The following HIVEP3 variants were observed in gnomAD, a reference collection of about 807,000 sequenced individuals.
HIVEP3 encodes the protein HIVEP zinc finger 3.
A neutral mutation model predicts 152.8 loss-of-function variants in HIVEP3; 49 were observed. The observed-to-expected ratio is 0.32, with a 90% CI of 0.26 to 0.41. HIVEP3 has a LOEUF of 0.41. Among genes scored for constraint, HIVEP3 ranks in the 10% least tolerant of loss-of-function variants. The probability of loss-of-function intolerance (pLI) is 1.00; values close to 1 mark genes in which losing one functional copy is unlikely to be tolerated. For missense variants in HIVEP3, 2,790 were observed against 3,103.3 expected, an observed-to-expected ratio of 0.90 and a Z score of 2.40; for synonymous variants, 1,269 against 1,289.0, an observed-to-expected ratio of 0.98 and a Z score of 0.33.
chr1:41,846,685 C>T (rs1430076424), intron 1 of HIVEP3, among the ~76,000 whole-genome samples: 2 of 152,246 alleles, frequency 1.3e-5, no homozygotes, highest in Admixed American at 1.3e-4. Flanking sequence ...TTTCCTCTTA[C>T]TACACTGTGA....
intron 5 of HIVEP3, among the ~76,000 whole-genome samples, chr1:41,555,470 G>T (rs554339816): frequency 1.3e-5 from 2 of 152,340 alleles, no homozygotes; most frequent in African/African-American, 4.8e-5. Context: ...GCGATGCCCT[G>T]CCCTGCTTCA....
At chr1:41,544,876 C>CCA (rs1569842613) in intron 5 of HIVEP3, among the ~76,000 whole-genome samples, 2 of 72,686 alleles carry the variant, frequency 2.8e-5, no homozygotes, top group African/African-American at 8.4e-5. Flanking sequence ...ACCACCACCA[C>CCA]TACCACCTCT....
chr1:41,839,528 C>T (rs186970228), intron 1 of HIVEP3, among the ~76,000 whole-genome samples: 100 of 152,304 alleles, frequency 6.6e-4, no homozygotes, highest in African/African-American at 2.2e-3. Context: ...CCTGTGGGCA[C>T]CCCCAAGGCA....
rs752576153 is a variant in HIVEP3, at chr1:41,582,131, G to A, written c.2667C>T (p.Arg889=). ...EKTEEFQWPQ[R]SQTLAQLPAE... is the part of the protein sequence containing the mutation. ...CTGGGAGCTGGGCAAGTGTCTGGCT[G>A]CGCTGGGGCCATTGGAACTCCTCAG... Residue 889 remains arginine (R), a synonymous_variant, in exon 4 of 9, where the codon CGC becomes CGT. Coordinates refer to ENST00000372583, the MANE Select transcript of HIVEP3 (RefSeq NM_024503.5). The surrounding 1 kb of genome is among the most constrained non-coding windows in gnomAD (Gnocchi z 4.7). The A allele has an allele frequency of 6.2e-7, 1 of 1,613,984 alleles. No individual in the cohort carries two copies. The highest frequency in any genetic ancestry group is 1.3e-5 in the African/African-American group (1 of 74,902).
chr1:41,730,895 C>T (rs984919015), intron 1 of HIVEP3, among the ~76,000 whole-genome samples: 7 of 152,138 alleles, frequency 4.6e-5, no homozygotes, highest in African/African-American at 1.7e-4. Flanking sequence ...CTGAGGCTTC[C>T]TGTGGGGGGT....
At chr1:41,690,139 C>T (rs1195919711) in intron 2 of HIVEP3, among the ~76,000 whole-genome samples, 1 of 152,198 alleles carries the variant, frequency 6.6e-6, no homozygotes, top group East Asian at 1.9e-4. Flanking sequence ...TTTCTGACAC[C>T]AGCTTATGGC....
In HIVEP3 at chr1:41,762,261, C is replaced by T. The variant is rs1237195889; in HGVS notation, c.-800-61266G>A. 2.0e-5 allele frequency among the ~76,000 whole-genome samples: 3 copies of T among 152,188 alleles called. No homozygotes were observed. In the East Asian group the frequency reaches 5.8e-4, roughly 29 times the overall value. On this transcript the variant is annotated intron_variant, in intron 1 of 8. Transcript: ENST00000372583. ...AGAGCTATTTTGTAGCTTAATAAAA[C>T]TCTTATATGCCCTTCTCACCCTTCA...
At chr1:41,998,887 CTCTT>C (rs1341122306) in intron 1 of HIVEP3, among the ~76,000 whole-genome samples, 30 of 77,306 alleles carry the variant, frequency 3.9e-4, no homozygotes, top group African/African-American at 1.7e-3. Context: ...TTTTCTCTCT[CTCTT>C]TTTTTTTTTT....
intron 2 of HIVEP3, among the ~76,000 whole-genome samples, chr1:41,635,872 T>C (rs1053120888): frequency 2.0e-5 from 3 of 152,220 alleles, no homozygotes; most frequent in Non-Finnish European, 4.4e-5. Flanking sequence ...TCTAGAAAAG[T>C]ATAAATTGTA....
chr1:41,715,581 G>A (rs1021972192), intron 1 of HIVEP3, among the ~76,000 whole-genome samples: 1 of 152,080 alleles, frequency 6.6e-6, no homozygotes, highest in Admixed American at 6.5e-5. Flanking sequence ...TGACAGCCAA[G>A]GATTAGAAAG....
At chr1:41,757,307 C>T (rs961860436) in intron 1 of HIVEP3, among the ~76,000 whole-genome samples, 3 of 151,826 alleles carry the variant, frequency 2.0e-5, no homozygotes, top group African/African-American at 7.2e-5. Context: ...TTAGTAGAGA[C>T]GGAGTTTCAC....
intron 5 of HIVEP3, among the ~76,000 whole-genome samples, chr1:41,526,389 C>T (rs1642911174): frequency 6.8e-6 from 1 of 146,064 alleles, no homozygotes; most frequent in African/African-American, 2.6e-5. Flanking sequence ...CGCCCTCACA[C>T]TCACACATGC....
chr1:41,772,452 C>T (rs780750241), intron 1 of HIVEP3, among the ~76,000 whole-genome samples: 6 of 152,092 alleles, frequency 3.9e-5, no homozygotes, highest in Non-Finnish European at 7.3e-5. Context: ...AAAGCTAATA[C>T]TATGATGCAC....
chr1:41,620,627 C>T (rs532278252), intron 3 of HIVEP3, among the ~76,000 whole-genome samples: 19 of 152,180 alleles, frequency 1.2e-4, no homozygotes, highest in African/African-American at 2.7e-4. Flanking sequence ...CCACCCAGCA[C>T]GCCCCAATCC....
intron 5 of HIVEP3, among the ~76,000 whole-genome samples, chr1:41,561,983 G>A (rs1200563729): frequency 2.0e-5 from 3 of 152,060 alleles, no homozygotes; most frequent in Non-Finnish European, 4.4e-5. Context: ...TCAGAATCAC[G>A]CTAGTGGAGG....
intron 1 of HIVEP3, among the ~76,000 whole-genome samples, chr1:41,864,004 G>A (rs1174560819): frequency 6.6e-6 from 1 of 152,130 alleles, no homozygotes; most frequent in African/African-American, 2.4e-5. Flanking sequence ...ATCCATCCTG[G>A]AATCAGACGT....
At chr1:41,687,911 A>G (rs1019362510) in intron 2 of HIVEP3, among the ~76,000 whole-genome samples, 11 of 152,350 alleles carry the variant, frequency 7.2e-5, no homozygotes, top group African/African-American at 2.6e-4. Context: ...GGTTTCACAG[A>G]TCCTTGAAAA....
rs115109616 is a variant in HIVEP3, at chr1:41,901,183, G to A, written c.-801+17230C>T. The stretch of plus-strand genomic sequence containing the variant: ...TGGCCCAAGCAGCTTGGGGGACAGT[G>A]GTGCCCCTTCCTAAGACAGGGTGCA... On this transcript the variant is annotated intron_variant, in intron 1 of 8. Transcript: ENST00000372583. Among the ~76,000 whole-genome samples the A allele has an allele frequency of 2.3e-3, 354 of 152,172 alleles. 2 individuals carry two copies. The highest frequency in any genetic ancestry group is 8.2e-3 in the African/African-American group (339 of 41,516).
chr1:41,892,651 C>G (rs115977341), intron 1 of HIVEP3, among the ~76,000 whole-genome samples: 1 of 152,324 alleles, frequency 6.6e-6, no homozygotes, highest in African/African-American at 2.4e-5. Flanking sequence ...ACCCTTCACA[C>G]TGTGACTCCA....
Sources: allele counts gnomAD v4.1 joint callset (sites outside exome capture counted in the v4.1 genomes callset), GRCh38; gene constraint gnomAD v4.1.1; non-coding constraint Gnocchi (gnomAD v3.1); transcripts MANE v1.5; gene names NCBI Gene and HGNC (gene_info 2026-07-23, HGNC 2026-07-21).